Variants in YOD1 observed in about 807,000 individuals in gnomAD.
YOD1 encodes the protein ubiquitin thioesterase OTU1.
YOD1 carries 17 observed loss-of-function variants against 23.7 expected under a neutral mutation model. The ratio of observed to expected loss-of-function variants is 0.72; its 90% CI spans 0.49 to 1.07. The LOEUF (loss-of-function observed/expected upper bound fraction) is 1.07. Ranked by LOEUF, YOD1 falls within the 50% of genes least tolerant of loss-of-function variation. The pLI is 0.00. For synonymous variants in YOD1, 191 were observed against 169.6 expected (o/e 1.13, Z -0.98); for missense variants, 413 against 447.2 (o/e 0.92, Z 0.69).
chr1:207,047,807 G>C lies in YOD1; in HGVS notation c.*1213C>G, dbSNP rs535692287. 2.0e-5 allele frequency: 3 copies of C among 152,490 alleles called. No homozygotes were observed. Among genetic ancestry groups the C allele is most frequent in the African/African-American group, 7.2e-5 (3 of 41,568 alleles). 9.4% of individuals were successfully genotyped at this position (152,490 alleles called of 1,614,324 possible). On this transcript the variant is annotated 3_prime_UTR_variant, in exon 2 of 2. Coordinates refer to ENST00000315927, the MANE Select transcript of YOD1 (RefSeq NM_018566.4). ...TTTTTCTATTTTGGAAGTGAAACTA[G>C]TTCATTCAACAGTATTACTCCAATT...
At position 207,046,714 on chromosome 1, in the gene YOD1, AGG is replaced by A. The variant is rs1206077576; in HGVS notation, c.*2304_*2305del. On this transcript the variant is annotated 3_prime_UTR_variant, in exon 2 of 2. Coordinates refer to ENST00000315927, the MANE Select transcript of YOD1 (RefSeq NM_018566.4). ...TATGTAAACAAAGCCCTTACAATGA[AGG>A]GGTTTAATTCTGTAAAATATCAGTG... 1 of 152,090 alleles carries A rather than the reference AGG, an allele frequency of 6.6e-6. No homozygotes were observed. The highest frequency in any genetic ancestry group is 6.5e-5 in the Admixed American group (1 of 15,276). The allele number at this position is 152,090 out of a possible 1,614,324, so 9.4% of individuals were successfully genotyped here.
chr1:207,051,344 A>C (rs1346103810), upstream of YOD1, among the ~76,000 whole-genome samples: 1 of 151,870 alleles, frequency 6.6e-6, no homozygotes, highest in Admixed American at 6.6e-5. Context: ...GGGCTTCCAC[A>C]CTACACCCAG....
At position 207,051,060 on chromosome 1, in the gene YOD1, C is replaced by T. The variant is rs1237537011; in HGVS notation, c.-30G>A. On this transcript the variant is annotated 5_prime_UTR_variant, in exon 1 of 2. Transcript: ENST00000315927. ...AGAAGTTGCGGGTGGTTGCAGTTAT[C>T]GCGACGCTTCGGTGCGGCTTCTGCC... The T allele has an allele frequency of 2.0e-6, 3 of 1,472,324 alleles. No individual in the cohort carries two copies. Among genetic ancestry groups the T allele is most frequent in the Non-Finnish European group, 2.7e-6 (3 of 1,114,594 alleles). 91.2% of individuals were successfully genotyped at this position (1,472,324 alleles called of 1,614,324 possible).
Position 207,049,439 on chromosome 1 carries a change from A to C in YOD1, c.628T>G (p.Cys210Gly), listed in dbSNP as rs748967815. 1 of 1,614,194 alleles carries C rather than the reference A, an allele frequency of 6.2e-7. No homozygotes were observed. The highest frequency in any genetic ancestry group is 1.1e-5 in the South Asian group (1 of 91,084). The change falls in exon 2 of 2, where the codon TGT becomes GGT. Residue 210 changes from cysteine to glycine, a missense_variant. Cys to Gly is a radical substitution (Grantham distance 159). Coordinates refer to ENST00000315927, the MANE Select transcript of YOD1 (RefSeq NM_018566.4). ...GTGTCATCCCTTTTGATCCAGTCAC[A>C]GTACTCTTGATTTGTTTTTCCCAGT... The part of the protein sequence containing the change: ...AILGKTNQEY[C>G]DWIKRDDTWG...
rs75238705 is a variant in YOD1 at position 207,047,274 on chromosome 1, A to C, written c.*1746T>G. The C allele has an allele frequency of 3.3e-3, 508 of 152,692 alleles. 2 individuals are homozygous for C. The highest frequency in any genetic ancestry group is 0.01 in the African/African-American group (422 of 41,572). The allele number at this position is 152,692 out of a possible 1,614,324, so 9.5% of individuals were successfully genotyped here. ...GACCATAACAGCTTATATTGTCTAAAATAACTATGCACACAAAAGGTACTC... is the reference window on the plus strand; with the variant it reads ...GACCATAACAGCTTATATTGTCTAACATAACTATGCACACAAAAGGTACTC... On this transcript the variant is annotated 3_prime_UTR_variant, in exon 2 of 2. Transcript: ENST00000315927.
Position 207,044,862 on chromosome 1 carries a change from T to C in YOD1, c.*4158A>G, listed in dbSNP as rs568123914. On this transcript the variant is annotated 3_prime_UTR_variant, in exon 2 of 2. Coordinates refer to ENST00000315927, the MANE Select transcript of YOD1 (RefSeq NM_018566.4). ...GAGGGGGTTACCAACCTCCTTTAAA[T>C]GTGTATGAATCAAGACCTAAATCAG... 5 of 152,606 alleles carry C rather than the reference T, an allele frequency of 3.3e-5. No homozygotes were observed. In the South Asian group the frequency reaches 1.0e-3, roughly 32 times the overall value. The allele number at this position is 152,606 out of a possible 1,614,324, so 9.5% of individuals were successfully genotyped here.
chr1:207,048,382 T>G lies in YOD1; in HGVS notation c.*638A>C, dbSNP rs2102325114. On this transcript the variant is annotated 3_prime_UTR_variant, in exon 2 of 2. Transcript: ENST00000315927. The stretch of plus-strand genomic sequence containing the variant: ...TGCTTGTGATGTACTTATCAGTGGT[T>G]AAGCACACATTTATAATGTCTACCA... The G allele has an allele frequency of 6.5e-6, 1 of 153,338 alleles. No individual in the cohort carries two copies. The highest frequency in any genetic ancestry group is 1.9e-4 in the East Asian group (1 of 5,194). The allele number at this position is 153,338 out of a possible 1,614,324, so 9.5% of individuals were successfully genotyped here. A position where few individuals can be genotyped will look rare whatever the true frequency, so the allele number is the denominator to read the frequency against.
Position 207,050,799 on chromosome 1 carries a change from C to A in YOD1, c.232G>T (p.Ala78Ser). Residue 78 changes from alanine (A) to serine (S), a missense_variant, in exon 1 of 2, where the codon GCC becomes TCC. Transcript: ENST00000315927. ...CCGCCGGGGGCGATCCCGGTGATGG[C>A]GGCAATTTGGCCCTGGAGTTCCCGC... ...RVRELQGQIAAITGIAPGGQR... is the reference protein window; with the variant it reads ...RVRELQGQIASITGIAPGGQR... 1 of 1,613,396 alleles carries A rather than the reference C, an allele frequency of 6.2e-7. No individual in the cohort carries two copies. The highest frequency in any genetic ancestry group is 8.5e-7 in the Non-Finnish European group (1 of 1,179,998).
rs770733438 is a variant in YOD1 at position 207,051,070 on chromosome 1, C to T, written c.-40G>A. 2.0e-6 allele frequency: 3 copies of T among 1,465,820 alleles called. No individual in the cohort carries two copies. Among genetic ancestry groups the T allele is most frequent in the Non-Finnish European group, 2.7e-6 (3 of 1,111,972 alleles). 90.8% of individuals were successfully genotyped at this position (1,465,820 alleles called of 1,614,324 possible). A position where few individuals can be genotyped will look rare whatever the true frequency, so the allele number is the denominator to read the frequency against. On this transcript the variant is annotated 5_prime_UTR_variant, in exon 1 of 2. Transcript: ENST00000315927. ...GGTGGTTGCAGTTATCGCGACGCTT[C>T]GGTGCGGCTTCTGCCTTAGTACCTT...
chr1:207,048,996 C>A lies in YOD1; in HGVS notation c.*24G>T. On this transcript the variant is annotated 3_prime_UTR_variant, in exon 2 of 2. Transcript: ENST00000315927. ...CCTTCTGGATGTGTGAGGTAGTAGG[C>A]TTCAACCCTCATTCATGCATAGGTC... The A allele has an allele frequency of 1.2e-6, 2 of 1,600,624 alleles. No individual in the cohort carries two copies.
upstream of YOD1, chr1:207,052,383 C>A: frequency 1.6e-6 from 1 of 632,792 alleles, no homozygotes. Context: ...CCGGGGTGGC[C>A]GGGCGCAGTG....
Position 207,044,618 on chromosome 1 carries a change from A to C in YOD1, c.*4402T>G, listed in dbSNP as rs1682550215. 6.6e-6 allele frequency: 1 copy of C among 152,300 alleles called. No individual in the cohort carries two copies. The highest frequency in any genetic ancestry group is 1.5e-5 in the Non-Finnish European group (1 of 67,966). The allele number at this position is 152,300 out of a possible 1,614,324, so 9.4% of individuals were successfully genotyped here. A position where few individuals can be genotyped will look rare whatever the true frequency, so the allele number is the denominator to read the frequency against. On this transcript the variant is annotated 3_prime_UTR_variant, in exon 2 of 2. Coordinates refer to ENST00000315927, the MANE Select transcript of YOD1 (RefSeq NM_018566.4). ...AAGGGCATCATGGCAAAATGCTTAT[A>C]ATTCATGGTTTCATACTTTAATGAT...
rs1682661642 is a variant in YOD1 at position 207,048,834 on chromosome 1, C to T, written c.*186G>A. 5 of 608,986 alleles carry T rather than the reference C, an allele frequency of 8.2e-6. No homozygotes were observed. In the South Asian group the frequency reaches 1.0e-4, roughly 12 times the overall value. The allele number at this position is 608,986 out of a possible 1,614,324, so 37.7% of individuals were successfully genotyped here. On this transcript the variant is annotated 3_prime_UTR_variant, in exon 2 of 2. Coordinates refer to ENST00000315927, the MANE Select transcript of YOD1 (RefSeq NM_018566.4). Reference sequence around the variant, plus strand: ...TATGTACAGTTTACCACTGTAGACACACATCTGTAAACTTGCACACTAATT... The same window carrying T: ...TATGTACAGTTTACCACTGTAGACATACATCTGTAAACTTGCACACTAATT...
In YOD1 at chr1:207,050,918, G is replaced by A. The variant is rs776024148; in HGVS notation, c.113C>T (p.Pro38Leu). Residue 38 changes from proline to leucine, a missense_variant, in exon 1 of 2, where the codon CCT becomes CTT. By Grantham distance (98) the Pro-to-Leu change is moderately conservative. Coordinates refer to ENST00000315927, the MANE Select transcript of YOD1 (RefSeq NM_018566.4). ...GTKAGPAGAW[P>L]VGSRTDTMWR... is the part of the protein sequence containing the mutation. ...CATCGTGTCGGTCCGGCTGCCCACA[G>A]GCCAGGCACCCGCGGGGCCAGCTTT... The A allele has an allele frequency of 5.6e-6, 9 of 1,598,472 alleles. 1 individual carries two copies. The Middle Eastern group carries it at 5.0e-4, about 89-fold the overall frequency.
Position 207,050,873 on chromosome 1 carries a change from G to C in YOD1, c.158C>G (p.Ala53Gly). 1 of 1,609,954 alleles carries C rather than the reference G, an allele frequency of 6.2e-7. No homozygotes were observed. The highest frequency in any genetic ancestry group is 8.5e-7 in the Non-Finnish European group (1 of 1,178,442). ...TDTMWRLRCK[A>G]KDGTHVLQGL... ...CTGCAAAACATGGGTGCCGTCCTTG[G>C]CCTTGCAGCGGAGCCGCCACATCGT... The change falls in exon 1 of 2, where the codon GCC becomes GGC. Residue 53 changes from alanine to glycine, a missense_variant. By Grantham distance (60) the Ala-to-Gly change is moderately conservative. Coordinates refer to ENST00000315927, the MANE Select transcript of YOD1 (RefSeq NM_018566.4).
At chr1:207,052,203 T>C (rs751376373), upstream of YOD1, 13 of 1,612,698 alleles carry the variant, frequency 8.1e-6, no homozygotes, top group African/African-American at 4.0e-5. Context: ...TAAAAGACTT[T>C]GCTTCTGAAT....
Position 207,050,974 on chromosome 1 carries a change from G to T in YOD1, c.57C>A (p.Pro19=). Residue 19 remains proline, a synonymous_variant, in exon 1 of 2, where the codon CCC becomes CCA. Transcript: ENST00000315927. ...CGGCAGCCTGTTGGGAGACGCCGCC[G>T]GGGAAACCAGGCGCCGGGTGGACTC... ...HFGVHPAPGF[P]GGVSQQAAGT... is the part of the protein sequence containing the mutation. 1 of 1,541,322 alleles carries T rather than the reference G, an allele frequency of 6.5e-7. No individual in the cohort carries two copies. The highest frequency in any genetic ancestry group is 1.4e-5 in the African/African-American group (1 of 72,948).
upstream of YOD1, among the ~76,000 whole-genome samples, chr1:207,051,542 A>T (rs904008083): frequency 6.6e-6 from 1 of 152,116 alleles, no homozygotes; most frequent in African/African-American, 2.4e-5. Flanking sequence ...TGTGCTTGAA[A>T]ACGTCTATTT....
chr1:207,050,429 A>G (rs1682710037), intron 1 of YOD1, among the ~76,000 whole-genome samples: 1 of 152,214 alleles, frequency 6.6e-6, no homozygotes, highest in African/African-American at 2.4e-5. Context: ...GGATAGTTTC[A>G]AAGCCGACCA....
Sources: gnomAD v4.1 joint callset for allele counts (sites outside exome capture counted in the v4.1 genomes callset) on GRCh38, gnomAD v4.1.1 for gene constraint, MANE v1.5 for transcripts, NCBI Gene and HGNC (gene_info 2026-07-23, HGNC 2026-07-21) for gene names.